Variants in OPCML observed in about 807,000 individuals in gnomAD.
OPCML encodes opioid binding protein/cell adhesion molecule like, also known as opioid-binding protein/cell adhesion molecule.
Under a neutral mutation model 37.8 loss-of-function variants are expected in OPCML, and 13 were observed. The ratio of observed to expected loss-of-function variants is 0.34; its 90% CI spans 0.22 to 0.55. The LOEUF (loss-of-function observed/expected upper bound fraction) is 0.55, where lower values mean the gene tolerates loss of function less well. Among genes scored for constraint, OPCML ranks in the 20% least tolerant of loss-of-function variants. OPCML has a pLI of 0.91. For missense variants in OPCML, 341 were observed against 435.6 expected (o/e 0.78, Z 1.93); for synonymous variants, 176 against 168.8 (o/e 1.04, Z -0.33).
chr11:133,102,808 A>T (rs909283045), intron 1 of OPCML, among the ~76,000 whole-genome samples: 2 of 152,156 alleles, frequency 1.3e-5, no homozygotes, highest in African/African-American at 4.8e-5. Context: ...ACTATGCCAA[A>T]TTTGATTTTG....
chr11:133,458,847 G>GTGTGTGTGTATCTACACATAGATA lies in OPCML; in HGVS notation c.61+73416_61+73417insTATCTATGTGTAGATACACACACA, dbSNP rs759641206. Reference sequence around the variant, plus strand: ...CGTGTGTGTGTATATACACATAGATGCACGTGTGTGTGTATATATACACAC... The same window carrying GTGTGTGTGTATCTACACATAGATA: ...CGTGTGTGTGTATATACACATAGATGTGTGTGTGTATCTACACATAGATACACGTGTGTGTGTATATATACACAC... On this transcript the variant is annotated intron_variant, in intron 1 of 7. Coordinates refer to ENST00000524381, the MANE Select transcript of OPCML (RefSeq NM_001012393.5). 1.4e-3 allele frequency among the ~76,000 whole-genome samples: 185 copies of GTGTGTGTGTATCTACACATAGATA among 135,126 alleles called. 9 individuals carry two copies. Among genetic ancestry groups the GTGTGTGTGTATCTACACATAGATA allele is most frequent in the African/African-American group, 5.8e-3 (176 of 30,086 alleles). The allele number at this position is 135,126 out of a possible 152,430, so 88.6% of individuals were successfully genotyped here.
chr11:133,143,252 G>C (rs964618884), intron 1 of OPCML, among the ~76,000 whole-genome samples: 3 of 152,150 alleles, frequency 2.0e-5, no homozygotes, highest in African/African-American at 7.2e-5. Flanking sequence ...CTCCTTCTAA[G>C]GCACACAGAA....
At chr11:132,554,164 T>C (rs1399804623) in intron 3 of OPCML, among the ~76,000 whole-genome samples, 1 of 152,232 alleles carries the variant, frequency 6.6e-6, no homozygotes, top group Non-Finnish European at 1.5e-5. Context: ...TCTTCCACTC[T>C]GACAGACAAA....
At chr11:133,121,147 GA>G (rs1195462549) in intron 1 of OPCML, among the ~76,000 whole-genome samples, 1 of 152,092 alleles carries the variant, frequency 6.6e-6, no homozygotes, top group Non-Finnish European at 1.5e-5. Context: ...TCAAACTCCT[GA>G]CCTGAACTGA....
intron 2 of OPCML, among the ~76,000 whole-genome samples, chr11:132,882,033 T>C (rs1262359917): frequency 6.6e-6 from 1 of 152,216 alleles, no homozygotes; most frequent in African/African-American, 2.4e-5. Flanking sequence ...CCCAACTTTT[T>C]CCTTCTCCTT....
At chr11:132,754,062 G>T (rs536905437) in intron 2 of OPCML, among the ~76,000 whole-genome samples, 1 of 152,244 alleles carries the variant, frequency 6.6e-6, no homozygotes, top group Non-Finnish European at 1.5e-5. Context: ...TGGGCTGAGA[G>T]TGCCAGCTCC....
intron 1 of OPCML, among the ~76,000 whole-genome samples, chr11:133,188,528 G>T (rs1012880531): frequency 6.6e-6 from 1 of 151,850 alleles, no homozygotes; most frequent in African/African-American, 2.4e-5. Context: ...ATAGAAGATT[G>T]AATTAAAAAA....
At chr11:133,262,738 G>A (rs938588476) in intron 1 of OPCML, among the ~76,000 whole-genome samples, 7 of 152,080 alleles carry the variant, frequency 4.6e-5, no homozygotes, top group African/African-American at 1.4e-4. Flanking sequence ...ACTGTGGAGT[G>A]GGAATGACAT....
intron 4 of OPCML, among the ~76,000 whole-genome samples, chr11:132,449,401 A>T (rs1180505422): frequency 6.6e-6 from 1 of 152,132 alleles, no homozygotes; most frequent in Non-Finnish European, 1.5e-5. Flanking sequence ...ATAACTAATC[A>T]TCCACTTAGA....
chr11:133,394,536 T>A (rs1656222994), intron 1 of OPCML, among the ~76,000 whole-genome samples: 1 of 152,194 alleles, frequency 6.6e-6, no homozygotes. Flanking sequence ...CAACTAAACA[T>A]CCCCACTTCC....
At chr11:132,918,401 C>CTAA (rs1336642097) in intron 2 of OPCML, among the ~76,000 whole-genome samples, 1 of 152,156 alleles carries the variant, frequency 6.6e-6, no homozygotes, top group East Asian at 1.9e-4. Flanking sequence ...CTCAAGCTTC[C>CTAA]CTGTACCTCC....
chr11:133,086,280 T>C (rs1948817292), intron 1 of OPCML, among the ~76,000 whole-genome samples: 1 of 152,202 alleles, frequency 6.6e-6, no homozygotes. Flanking sequence ...TGAGGTGTAA[T>C]TATTTTCCCC....
At chr11:133,046,476 C>T (rs969126016) in intron 1 of OPCML, among the ~76,000 whole-genome samples, 1 of 152,190 alleles carries the variant, frequency 6.6e-6, no homozygotes, top group Non-Finnish European at 1.5e-5. Context: ...GCCACGGCCT[C>T]CCTCCCCTTG....
rs377358387 is a variant in OPCML at position 133,094,984 on chromosome 11, T to C, written c.62-151974A>G. On this transcript the variant is annotated intron_variant, in intron 1 of 7. Transcript: ENST00000524381. ...CTTGCTGGTATTTCATATACAAAGTTCAATTATGTATGCACTGGAAAGTTA... is the reference window on the plus strand; with the variant it reads ...CTTGCTGGTATTTCATATACAAAGTCCAATTATGTATGCACTGGAAAGTTA... Among the ~76,000 whole-genome samples the C allele has an allele frequency of 9.9e-5, 15 of 152,170 alleles. No individual in the cohort carries two copies. The East Asian group carries it at 1.5e-3, about 16-fold the overall frequency.
chr11:132,913,848 C>G (rs997698288), intron 2 of OPCML, among the ~76,000 whole-genome samples: 2 of 152,190 alleles, frequency 1.3e-5, no homozygotes, highest in Non-Finnish European at 2.9e-5. Context: ...TCCTTTCTCT[C>G]AGCTCCACAA....
At chr11:132,556,141 C>A (rs1235842515) in intron 3 of OPCML, among the ~76,000 whole-genome samples, 1 of 152,022 alleles carries the variant, frequency 6.6e-6, no homozygotes, top group Non-Finnish European at 1.5e-5. Context: ...TAGGATATTG[C>A]TGTGTTGCCC....
intron 1 of OPCML, among the ~76,000 whole-genome samples, chr11:133,430,571 G>T (rs1946096078): frequency 6.6e-6 from 1 of 152,068 alleles, no homozygotes; most frequent in Non-Finnish European, 1.5e-5. Flanking sequence ...CAATTCATTG[G>T]ATTGAAAAAA....
intron 1 of OPCML, among the ~76,000 whole-genome samples, chr11:133,310,002 C>T (rs953007545): frequency 6.6e-6 from 1 of 151,926 alleles, no homozygotes; most frequent in Non-Finnish European, 1.5e-5. Context: ...GTCTAGAGTA[C>T]GAGAGAGATG....
At chr11:133,282,573 G>T (rs767582642) in intron 1 of OPCML, among the ~76,000 whole-genome samples, 21 of 152,220 alleles carry the variant, frequency 1.4e-4, no homozygotes, top group Non-Finnish European at 1.8e-4. Context: ...GAGGGGAAAT[G>T]GGGGGATGAA....
Sources: gnomAD v4.1 joint callset for allele counts (sites outside exome capture counted in the v4.1 genomes callset) on GRCh38, gnomAD v4.1.1 for gene constraint, MANE v1.5 for transcripts, NCBI Gene and HGNC (gene_info 2026-07-23, HGNC 2026-07-21) for gene names.